Variants in SLC4A2 observed in about 807,000 individuals in gnomAD.
SLC4A2 encodes the protein anion exchange protein 2.
Under a neutral mutation model 115.0 loss-of-function variants are expected in SLC4A2, and 36 were observed. The ratio of observed to expected loss-of-function variants is 0.31; its 90% confidence interval spans 0.24 to 0.41. The LOEUF (loss-of-function observed/expected upper bound fraction) is 0.41. SLC4A2 is among the 10% of genes least tolerant of loss of function. SLC4A2 has a pLI of 1.00. For synonymous variants in SLC4A2, 708 were observed against 708.3 expected, an observed-to-expected ratio of 1.00 and a Z score of 0.01; for missense variants, 1,252 against 1,705.6, an observed-to-expected ratio of 0.73 and a Z score of 4.68.
At chr7:151,058,271 G>T (rs916681014), upstream of SLC4A2, 4 of 246,916 alleles carry the variant, frequency 1.6e-5, no homozygotes, top group Non-Finnish European at 3.2e-5. Flanking sequence ...AGCGGAAATG[G>T]GGGCGGAGCG....
Position 151,071,048 on chromosome 7 carries a change from C to G in SLC4A2, c.1750-24C>G. On this transcript the variant is annotated intron_variant, in intron 12 of 22. Transcript: ENST00000413384. The surrounding 1 kb of genome is among the most constrained non-coding windows in gnomAD (Gnocchi z 5.5). Reference sequence around the variant, plus strand: ...CTCAGCCCTCTTCTTTGTGCTCTCCCCCATCCCCATGCTGCTTTGGCAGCA... The same window carrying G: ...CTCAGCCCTCTTCTTTGTGCTCTCCGCCATCCCCATGCTGCTTTGGCAGCA... 1 of 1,611,456 alleles carries G rather than the reference C, an allele frequency of 6.2e-7. No individual in the cohort carries two copies. The highest frequency in any genetic ancestry group is 8.5e-7 in the Non-Finnish European group (1 of 1,179,162).
chr7:151,062,892 C>T (rs1195910082), intron 2 of SLC4A2: 16 of 1,393,310 alleles, frequency 1.1e-5, no homozygotes, highest in Middle Eastern at 2.6e-4. Context: ...CCCACCTCGC[C>T]CCTAAGACCC....
chr7:151,061,685 T>C, intron 1 of SLC4A2: 1 of 407,804 alleles, frequency 2.5e-6, no homozygotes, highest in Non-Finnish European at 4.4e-6. Context: ...CCACCTCCTC[T>C]CTCCTCCTCC....
intron 19 of SLC4A2, 184 bp downstream of exon 19, chr7:151,075,025 G>A (rs1797570581): frequency 1.2e-6 from 1 of 868,110 alleles, no homozygotes. Context: ...GACAGGAACA[G>A]CACGTGGAGG....
Position 151,059,886 on chromosome 7 carries a change from T to C in SLC4A2, c.-64+124T>C, listed in dbSNP as rs1033950178. On this transcript the variant is annotated intron_variant, in intron 1 of 22. Transcript: ENST00000413384. The surrounding 1 kb of genome is among the most constrained non-coding windows in gnomAD (Gnocchi z 5.8). ...TGGAAGTGGAGGAAAGGGCGGAGAC[T>C]GGGGCGCGGGGAACCGCGGTCTTGG... 6.7e-6 allele frequency: 1 copy of C among 148,678 alleles called. No homozygotes were observed. The highest frequency in any genetic ancestry group is 6.6e-5 in the Admixed American group (1 of 15,082). 9.2% of individuals were successfully genotyped at this position (148,678 alleles called of 1,614,324 possible). A position where few individuals can be genotyped will look rare whatever the true frequency, so the allele number is the denominator to read the frequency against.
chr7:151,069,956 T>C lies in SLC4A2; in HGVS notation c.1157T>C (p.Leu386Pro). 1 of 1,613,928 alleles carries C rather than the reference T, an allele frequency of 6.2e-7. No homozygotes were observed. Among genetic ancestry groups the C allele is most frequent in the Non-Finnish European group, 8.5e-7 (1 of 1,180,026 alleles). Residue 386 changes from leucine (L) to proline (P), a missense_variant, in exon 9 of 23, where the codon CTC (leucine) becomes CCC (proline). Leu to Pro is a moderately conservative substitution (Grantham distance 98). Transcript: ENST00000413384. ...TGCCATCTTATGCTAGGGGCTGTGC[T>C]CTTGGATCTGGACCAGCAGACCCTG... ...LRRTLAHGAVLLDLDQQTLPG... is the reference protein window; with the variant it reads ...LRRTLAHGAVPLDLDQQTLPG...
At chr7:151,062,828 T>A in intron 2 of SLC4A2, 2 of 1,377,056 alleles carry the variant, frequency 1.5e-6, no homozygotes, top group Non-Finnish European at 9.3e-7. Flanking sequence ...GCCAGCCCCC[T>A]GGCCCGCTCA....
At chr7:151,074,514 G>A (rs751051036) in intron 18 of SLC4A2, 26 bp downstream of exon 18, 1 of 1,608,392 alleles carries the variant, frequency 6.2e-7, no homozygotes, top group African/African-American at 1.3e-5. Context: ...CAGCAGGCAA[G>A]TGCTGCTGCC....
In SLC4A2 at chr7:151,070,474, A is replaced by G. The variant is rs746607700; in HGVS notation, c.1467A>G (p.Pro489=). 1.9e-5 allele frequency: 30 copies of G among 1,612,946 alleles called. No individual in the cohort carries two copies. The highest frequency in any genetic ancestry group is 1.6e-4 in the Middle Eastern group (1 of 6,078). Residue 489 remains proline (P), a synonymous_variant, in exon 11 of 23, where the codon CCA becomes CCG. Transcript: ENST00000413384. ...TCCCCCAGCGTGAGCTGCCGCCTCC[A>G]GCACCACCAGCTGGCATCACCCGCT... The part of the protein sequence containing the change: ...EVERERELPP[P]APPAGITRSK...
At chr7:151,061,656 A>AT (rs1797048975) in intron 1 of SLC4A2, 1 of 344,690 alleles carries the variant, frequency 2.9e-6, no homozygotes, top group Non-Finnish European at 5.3e-6. Context: ...TTTCTCCCTC[A>AT]TTTTTCTTGC....
chr7:151,071,714 G>A lies in SLC4A2; in HGVS notation c.2217G>A (p.Gly739=), dbSNP rs756892986. 2 of 1,610,608 alleles carry A rather than the reference G, an allele frequency of 1.2e-6. No homozygotes were observed. Among genetic ancestry groups the A allele is most frequent in the East Asian group, 4.5e-5 (2 of 44,854 alleles). ...LLGEKTQDLI[G]VSELIMSTAL... is the part of the protein sequence containing the mutation. ...GAGAGAAGACGCAGGACCTGATAGG[G>A]GTGTCGGAGCTGATTATGTCCACAG... is the stretch of plus-strand genomic sequence containing the variant. Residue 739 remains glycine (G), a synonymous_variant, in exon 15 of 23, where the codon GGG becomes GGA. Coordinates refer to ENST00000413384, the MANE Select transcript of SLC4A2 (RefSeq NM_003040.4). The surrounding 1 kb of genome is among the most constrained non-coding windows in gnomAD (Gnocchi z 5.5).
rs966475404 is a variant in SLC4A2, at chr7:151,066,382, C to T, written c.579-135C>T. 22 of 1,076,124 alleles carry T rather than the reference C, an allele frequency of 2.0e-5. No individual in the cohort carries two copies. The African/African-American group carries it at 2.4e-4, about 12-fold the overall frequency. 66.7% of individuals were successfully genotyped at this position (1,076,124 alleles called of 1,614,324 possible). A position where few individuals can be genotyped will look rare whatever the true frequency, so the allele number is the denominator to read the frequency against. On this transcript the variant is annotated intron_variant, in intron 5 of 22. Coordinates refer to ENST00000413384, the MANE Select transcript of SLC4A2 (RefSeq NM_003040.4). ...CCAGAATCCTCCCCCTCCCCGTGCC[C>T]GCACCTCCCGGGAGTGGGAGCTAGG...
chr7:151,070,702 GCCCA>G (rs1797406151), intron 11 of SLC4A2, 21 bp from the exon 12 acceptor site: 5 of 1,610,738 alleles, frequency 3.1e-6, no homozygotes, highest in Non-Finnish European at 4.2e-6. Flanking sequence ...CTCTGCTCTT[GCCCA>G]CGATGGTCCC....
Position 151,068,866 on chromosome 7 carries a change from G to A in SLC4A2, c.1147+812G>A, listed in dbSNP as rs536484853. On this transcript the variant is annotated intron_variant, in intron 8 of 22. Coordinates refer to ENST00000413384, the MANE Select transcript of SLC4A2 (RefSeq NM_003040.4). ...AAAGTAAACGAAGCAGCTGCTGGGC[G>A]CGGTGGCTCATGCCTATAATCCCAG... Among the ~76,000 whole-genome samples the A allele has an allele frequency of 2.0e-4, 30 of 151,696 alleles. No individual in the cohort carries two copies. The East Asian group carries it at 3.1e-3, about 16-fold the overall frequency.
Position 151,071,678 on chromosome 7 carries a change from T to G in SLC4A2, c.2192-11T>G. On this transcript the variant is annotated splice_polypyrimidine_tract_variant and intron_variant, in intron 14 of 22. Transcript: ENST00000413384. This position sits in a 1 kb window ranked among gnomAD's most constrained non-coding sequence, Gnocchi z 5.5. ...GGCCACCAGCTCCTGAGCTGGTTCC[T>G]ACACCCCTAGGAGAGAAGACGCAGG... is the stretch of plus-strand genomic sequence containing the variant. 6.2e-7 allele frequency: 1 copy of G among 1,611,234 alleles called. No individual in the cohort carries two copies. The highest frequency in any genetic ancestry group is 1.1e-5 in the South Asian group (1 of 90,914).
chr7:151,064,218 T>C lies in SLC4A2; in HGVS notation c.68T>C (p.Leu23Ser), dbSNP rs773589347. The C allele has an allele frequency of 3.1e-6, 5 of 1,612,318 alleles. No homozygotes were observed. The highest frequency in any genetic ancestry group is 2.5e-6 in the Non-Finnish European group (3 of 1,179,934). Residue 23 changes from leucine (L) to serine (S), a missense_variant, in exon 3 of 23, where the codon TTG (leucine) becomes TCG (serine). Leu to Ser is a moderately radical substitution (Grantham distance 145). Transcript: ENST00000413384. Reference protein sequence around the residue: ...DSFCTPEPESLGPGTPGFPEQ... With the variant: ...DSFCTPEPESSGPGTPGFPEQ... ...TCCTCACAGCCAGAGCCAGAGAGCT[T>C]GGGCCCTGGGACGCCTGGGTTCCCC...
chr7:151,062,612 C>T (rs1382713955), intron 2 of SLC4A2: 2 of 1,513,842 alleles, frequency 1.3e-6, no homozygotes, highest in Admixed American at 2.1e-5. Context: ...TCCCCTCCCC[C>T]TCCTTCTCAG....
At position 151,059,754 on chromosome 7, in the gene SLC4A2, A is replaced by T. The variant is rs910355144; in HGVS notation, c.-72A>T. On this transcript the variant is annotated 5_prime_UTR_variant, in exon 1 of 23. Transcript: ENST00000413384. This position sits in a 1 kb window ranked among gnomAD's most constrained non-coding sequence, Gnocchi z 5.8. ...GAGACCCCCGGGGCACGAAGTCCAG[A>T]GCGAGCGGGTAGGCGGAGAGGTGGT... 7.0e-6 allele frequency: 1 copy of T among 143,156 alleles called. No individual in the cohort carries two copies. Among genetic ancestry groups the T allele is most frequent in the Non-Finnish European group, 1.5e-5 (1 of 66,014 alleles). The allele number at this position is 143,156 out of a possible 1,614,324, so 8.9% of individuals were successfully genotyped here.
intron 2 of SLC4A2, chr7:151,063,152 C>T (rs1260362068): frequency 1.3e-6 from 2 of 1,502,372 alleles, no homozygotes; most frequent in Admixed American, 2.1e-5. Flanking sequence ...GCCGGCTGTG[C>T]CGGCCGGCCG....
Sources: gnomAD v4.1 joint callset for allele counts (sites outside exome capture counted in the v4.1 genomes callset) on GRCh38, gnomAD v4.1.1 for gene constraint, Gnocchi (gnomAD v3.1) non-coding constraint, MANE v1.5 for transcripts, NCBI Gene and HGNC (gene_info 2026-07-23, HGNC 2026-07-21) for gene names.